VPS35L: variants seen among roughly 807,000 people sequenced by gnomAD.
The protein encoded by VPS35L is VPS35 endosomal protein-sorting factor-like.
Under a neutral mutation model 133.0 loss-of-function variants are expected in VPS35L, and 83 were observed. That is an observed-to-expected ratio of 0.62 (90% CI 0.52 to 0.75). The LOEUF is 0.75. VPS35L is among the 30% of genes least tolerant of loss of function. The pLI is 0.00. For synonymous variants in VPS35L, 423 were observed against 449.9 expected (o/e 0.94, Z 0.76); for missense variants, 1,083 against 1,206.8 (o/e 0.90, Z 1.52).
chr16:19,626,077 G>A lies in VPS35L; in HGVS notation c.1225-100G>A, dbSNP rs542700242. The stretch of plus-strand genomic sequence containing the variant: ...TGAGAATTATCTTAATGGACATGTG[G>A]CTACATTCATTTTAGAGTTCGACTT... On this transcript the variant is annotated intron_variant, in intron 14 of 30. Transcript: ENST00000417362. 4 of 731,980 alleles carry A rather than the reference G, an allele frequency of 5.5e-6. No individual in the cohort carries two copies. The African/African-American group carries it at 7.2e-5, about 13-fold the overall frequency. 45.3% of individuals were successfully genotyped at this position (731,980 alleles called of 1,614,324 possible).
Position 19,639,708 on chromosome 16 carries a change from T to C in VPS35L, c.1699-307T>C, listed in dbSNP as rs1208141968. 6.6e-6 allele frequency among the ~76,000 whole-genome samples: 1 copy of C among 152,138 alleles called. No individual in the cohort carries two copies. The highest frequency in any genetic ancestry group is 2.1e-4 in the South Asian group (1 of 4,818). ...CATGCCTGGTTTATTTTTGTATTTT[T>C]AGTAGAGACAGGGTTTCGCCATGTT... On this transcript the variant is annotated intron_variant, in intron 20 of 30. Transcript: ENST00000417362. This position sits in a 1 kb window ranked among gnomAD's most constrained non-coding sequence, Gnocchi z 4.1.
chr16:19,699,688 C>T lies in VPS35L; in HGVS notation c.2793+40C>T, dbSNP rs1209183869. The T allele has an allele frequency of 2.5e-6, 4 of 1,607,250 alleles. No individual in the cohort carries two copies. Among genetic ancestry groups the T allele is most frequent in the Non-Finnish European group, 3.4e-6 (4 of 1,179,278 alleles). ...GGGCCCCGTGGTATAAGCCCACTGG[C>T]CAGTGCACAACCACCCTCAACACAG... On this transcript the variant is annotated intron_variant, in intron 30 of 30. Transcript: ENST00000417362. This position sits in a 1 kb window ranked among gnomAD's most constrained non-coding sequence, Gnocchi z 4.2.
At chr16:19,616,303 C>A in intron 13 of VPS35L, 112 bp downstream of exon 13, 2 of 877,182 alleles carry the variant, frequency 2.3e-6, no homozygotes, top group Non-Finnish European at 3.7e-6. Context: ...TTTAAATGTG[C>A]AAGCCCTGGA....
Position 19,652,083 on chromosome 16 carries a change from C to CT in VPS35L, c.2215dup (p.Ser739PhefsTer4), listed in dbSNP as rs753134363. On this transcript the variant is annotated frameshift_variant, in exon 26 of 31. Coordinates refer to ENST00000417362, the MANE Select transcript of VPS35L (RefSeq NM_020314.7). LOFTEE classifies it high-confidence loss of function. ...AGGTGGCCTTGGCCAACCAGTGCCT[C>CT]TCCCAAGGTAAGTCCATCATTCTCT... 1 of 1,586,770 alleles carries CT rather than the reference C, an allele frequency of 6.3e-7. No individual in the cohort carries two copies. Among genetic ancestry groups the CT allele is most frequent in the African/African-American group, 1.3e-5 (1 of 74,478 alleles).
chr16:19,613,895 G>A (rs1448018628), intron 12 of VPS35L, among the ~76,000 whole-genome samples: 4 of 152,136 alleles, frequency 2.6e-5, no homozygotes, highest in African/African-American at 7.2e-5. Context: ...TGGGCAGGCC[G>A]AAACAGCAGA....
intron 3 of VPS35L, among the ~76,000 whole-genome samples, chr16:19,570,889 A>ATATT (rs1971360458): frequency 3.3e-5 from 3 of 91,842 alleles, no homozygotes; most frequent in Non-Finnish European, 6.2e-5. Flanking sequence ...ATATATATAT[A>ATATT]TTTTTGAGAT....
In VPS35L at chr16:19,669,298, C is replaced by T. The variant is rs574948701; in HGVS notation, c.2360C>T (p.Pro787Leu). ...TTCTTTTCTACTTTATTAATAGTTC[C>T]GGTACGTTTCCTCAGCAGAACCGCA... The part of the protein sequence containing the change: ...CNFFSTLLIV[P>L]DHPEHGVLFL... Residue 787 changes from proline (P) to leucine (L), a missense_variant and splice_region_variant, in exon 27 of 31, where the codon CCG (proline) becomes CTG (leucine). Physicochemically the swap from Pro to Leu is moderately conservative, Grantham distance 98. Coordinates refer to ENST00000417362, the MANE Select transcript of VPS35L (RefSeq NM_020314.7). The T allele has an allele frequency of 1.6e-5, 26 of 1,606,536 alleles. No individual in the cohort carries two copies. In the Admixed American group the frequency reaches 1.7e-4, roughly 10 times the overall value.
rs745730029 is a variant in VPS35L, at chr16:19,601,682, G to A, written c.743G>A (p.Arg248His). 3 of 1,614,106 alleles carry A rather than the reference G, an allele frequency of 1.9e-6. No individual in the cohort carries two copies. Among genetic ancestry groups the A allele is most frequent in the South Asian group, 1.1e-5 (1 of 91,072 alleles). The change falls in exon 9 of 31, where the codon CGC (arginine) becomes CAC (histidine). Residue 248 changes from arginine to histidine, a missense_variant. Arg to His is a conservative substitution (Grantham distance 29). Coordinates refer to ENST00000417362, the MANE Select transcript of VPS35L (RefSeq NM_020314.7). ...LDTFGKLVYERIFSMCVDSRS... is the reference protein window; with the variant it reads ...LDTFGKLVYEHIFSMCVDSRS... ...CTCCCAGGAAAGCTCGTGTACGAGC[G>A]CATCTTTTCCATGTGTGTGGATAGC... is the stretch of plus-strand genomic sequence containing the variant.
At chr16:19,628,105 T>C (rs148128468) in intron 16 of VPS35L, among the ~76,000 whole-genome samples, 3 of 152,100 alleles carry the variant, frequency 2.0e-5, no homozygotes, top group Non-Finnish European at 2.9e-5. Flanking sequence ...GTGGCTCATG[T>C]TTATAATCCT....
At chr16:19,684,831 C>T (rs555945835) in intron 28 of VPS35L, among the ~76,000 whole-genome samples, 4 of 152,198 alleles carry the variant, frequency 2.6e-5, no homozygotes, top group East Asian at 1.9e-4. Context: ...CAGACGCAGG[C>T]GGATCACCTG....
At chr16:19,630,639 C>T (rs1973425003) in intron 18 of VPS35L, among the ~76,000 whole-genome samples, 1 of 151,990 alleles carries the variant, frequency 6.6e-6, no homozygotes, top group Admixed American at 6.6e-5. Flanking sequence ...TGGCCAAGCC[C>T]TAAAAATTTA....
intron 27 of VPS35L, among the ~76,000 whole-genome samples, chr16:19,673,969 A>G (rs1974963557): frequency 6.6e-6 from 1 of 152,036 alleles, no homozygotes; most frequent in South Asian, 2.1e-4. Flanking sequence ...AAGTTCATTG[A>G]GCACTAGCAA....
intron 18 of VPS35L, among the ~76,000 whole-genome samples, chr16:19,630,849 A>AC (rs200092092): frequency 3.3e-5 from 5 of 149,698 alleles, no homozygotes; most frequent in African/African-American, 7.3e-5. Context: ...TACTAAAAAT[A>AC]AAAAAAAAAA....
chr16:19,626,112 C>G, intron 14 of VPS35L, 65 bp from the exon 15 acceptor site: 4 of 1,078,146 alleles, frequency 3.7e-6, no homozygotes, highest in Non-Finnish European at 5.4e-6. Flanking sequence ...TTGGAAATCT[C>G]TTAGAAATGT....
At chr16:19,574,649 C>G (rs1971478927) in intron 4 of VPS35L, among the ~76,000 whole-genome samples, 1 of 151,926 alleles carries the variant, frequency 6.6e-6, no homozygotes, top group South Asian at 2.1e-4. Flanking sequence ...TGATTCTCAA[C>G]CAGGAGTAAT....
chr16:19,621,570 G>A (rs1274556312), intron 14 of VPS35L, among the ~76,000 whole-genome samples: 1 of 152,216 alleles, frequency 6.6e-6, no homozygotes, highest in Non-Finnish European at 1.5e-5. Context: ...GAAATATGCT[G>A]AGCTGCTTTT....
rs1975687588 is a variant in VPS35L at position 19,691,547 on chromosome 16, C to T, written c.2646+76C>T. 4 of 1,177,952 alleles carry T rather than the reference C, an allele frequency of 3.4e-6. No individual in the cohort carries two copies. The Admixed American group carries it at 7.1e-5, about 21-fold the overall frequency. The allele number at this position is 1,177,952 out of a possible 1,614,324, so 73.0% of individuals were successfully genotyped here. On this transcript the variant is annotated intron_variant, in intron 29 of 30. Transcript: ENST00000417362. ...TTTCCAGGGTGGTTCAACCTTGGTT[C>T]ATTCTAGAAAGGAAACTATGTCATG...
chr16:19,657,039 C>T (rs112835301), intron 26 of VPS35L, among the ~76,000 whole-genome samples: 50 of 147,452 alleles, frequency 3.4e-4, no homozygotes, highest in Middle Eastern at 3.7e-3. Flanking sequence ...GATCTCTGCT[C>T]GCTGCAACCT....
intron 27 of VPS35L, among the ~76,000 whole-genome samples, chr16:19,680,507 G>T (rs1597429965): frequency 6.6e-6 from 1 of 152,158 alleles, no homozygotes; most frequent in Non-Finnish European, 1.5e-5. Flanking sequence ...CCTCCTGGAG[G>T]TTATAGGCTA....
Sources: gnomAD v4.1 joint callset for allele counts (sites outside exome capture counted in the v4.1 genomes callset) on GRCh38, gnomAD v4.1.1 for gene constraint, Gnocchi (gnomAD v3.1) non-coding constraint, MANE v1.5 for transcripts, NCBI Gene and HGNC (gene_info 2026-07-23, HGNC 2026-07-21) for gene names.